The following SEMA5A variants were observed in gnomAD, a reference collection of about 807,000 sequenced individuals.
SEMA5A encodes the protein semaphorin 5A.
SEMA5A carries 55 observed loss-of-function variants against 135.5 expected under a neutral mutation model. That is an observed-to-expected ratio of 0.41 (90% confidence interval 0.33 to 0.51). The LOEUF is 0.51. Ranked by LOEUF, SEMA5A falls within the 20% of genes least tolerant of loss-of-function variation. The probability of loss-of-function intolerance (pLI) is 0.37; values close to 1 mark genes in which losing one functional copy is unlikely to be tolerated. For missense variants in SEMA5A, 1,290 were observed against 1,419.9 expected, an observed-to-expected ratio of 0.91 and a Z score of 1.47; for synonymous variants, 580 against 546.5, an observed-to-expected ratio of 1.06 and a Z score of -0.85.
At chr5:9,141,931 G>T (rs1337939930) in intron 12 of SEMA5A, among the ~76,000 whole-genome samples, 4 of 151,926 alleles carry the variant, frequency 2.6e-5, no homozygotes, top group African/African-American at 7.3e-5. Flanking sequence ...AAGAATTTTT[G>T]CCATTTTGTT....
rs537854928 is a variant in SEMA5A, at chr5:9,457,641, C to A, written c.-174-19789G>T. 3.9e-5 allele frequency among the ~76,000 whole-genome samples: 6 copies of A among 152,248 alleles called. No homozygotes were observed. In the South Asian group the frequency reaches 1.2e-3, roughly 32 times the overall value. ...AAAATAAGGTATGTTAGATTAATTTCTTTAAGGCCCATTTGAGGACTAACA... is the reference window on the plus strand; with the variant it reads ...AAAATAAGGTATGTTAGATTAATTTATTTAAGGCCCATTTGAGGACTAACA... On this transcript the variant is annotated intron_variant, in intron 1 of 22. Transcript: ENST00000382496.
intron 1 of SEMA5A, among the ~76,000 whole-genome samples, chr5:9,527,136 G>A (rs1387349334): frequency 2.0e-5 from 3 of 152,260 alleles, no homozygotes; most frequent in South Asian, 4.1e-4. Context: ...CTTGAATCCT[G>A]ACAGAGTGGG....
intron 3 of SEMA5A, among the ~76,000 whole-genome samples, chr5:9,350,472 CTT>C (rs1754065151): frequency 6.6e-6 from 1 of 152,210 alleles, no homozygotes; most frequent in East Asian, 1.9e-4. Flanking sequence ...GTCTCTCTCT[CTT>C]GACCTGAGAT....
At chr5:9,369,074 G>A (rs567418425) in intron 3 of SEMA5A, among the ~76,000 whole-genome samples, 23 of 152,308 alleles carry the variant, frequency 1.5e-4, no homozygotes, top group Admixed American at 1.1e-3. Flanking sequence ...GGTATTGTCA[G>A]CCTTTCTAAT....
intron 1 of SEMA5A, among the ~76,000 whole-genome samples, chr5:9,495,227 T>C (rs1370004481): frequency 6.6e-6 from 1 of 152,184 alleles, no homozygotes; most frequent in Non-Finnish European, 1.5e-5. Flanking sequence ...ACCCAGGCAG[T>C]GATTAAACCA....
At chr5:9,499,230 G>A (rs985848629) in intron 1 of SEMA5A, among the ~76,000 whole-genome samples, 1 of 152,110 alleles carries the variant, frequency 6.6e-6, no homozygotes, top group African/African-American at 2.4e-5. Context: ...AACCTTTATG[G>A]AGCACTTGAA....
chr5:9,047,620 C>A (rs1561099079), intron 21 of SEMA5A, among the ~76,000 whole-genome samples: 2 of 152,126 alleles, frequency 1.3e-5, no homozygotes, highest in East Asian at 3.8e-4. Context: ...TAATAATTTC[C>A]TGTACAATGA....
At chr5:9,131,968 C>T (rs1741460591) in intron 13 of SEMA5A, among the ~76,000 whole-genome samples, 1 of 152,184 alleles carries the variant, frequency 6.6e-6, no homozygotes, top group Admixed American at 6.5e-5. Context: ...CCTTGTTAAA[C>T]AACATTATGA....
At position 9,447,587 on chromosome 5, in the gene SEMA5A, C is replaced by T. The variant is rs1382262018; in HGVS notation, c.-174-9735G>A. Reference sequence around the variant, plus strand: ...CTCAGGAATGTGAATTCCACCTAAACGTTTGTTTCATGTTTTATAGAGGAC... The same window carrying T: ...CTCAGGAATGTGAATTCCACCTAAATGTTTGTTTCATGTTTTATAGAGGAC... On this transcript the variant is annotated intron_variant, in intron 1 of 22. Coordinates refer to ENST00000382496, the MANE Select transcript of SEMA5A (RefSeq NM_003966.3). 5.3e-5 allele frequency among the ~76,000 whole-genome samples: 8 copies of T among 152,278 alleles called. No homozygotes were observed. The South Asian group carries it at 6.2e-4, about 12-fold the overall frequency.
intron 1 of SEMA5A, among the ~76,000 whole-genome samples, chr5:9,453,702 C>T (rs1233296408): frequency 6.6e-6 from 1 of 152,184 alleles, no homozygotes; most frequent in African/African-American, 2.4e-5. Context: ...GAACCAAACC[C>T]TATATTTCCC....
At chr5:9,500,915 A>T (rs1007302496) in intron 1 of SEMA5A, among the ~76,000 whole-genome samples, 1 of 152,214 alleles carries the variant, frequency 6.6e-6, no homozygotes, top group Non-Finnish European at 1.5e-5. Flanking sequence ...TGACTGTATG[A>T]GAATCTTTCA....
At chr5:9,524,230 T>C (rs1020767813) in intron 1 of SEMA5A, among the ~76,000 whole-genome samples, 1 of 152,164 alleles carries the variant, frequency 6.6e-6, no homozygotes, top group Admixed American at 6.5e-5. Context: ...TCCTGAGGCC[T>C]CCCCAGCCAT....
chr5:9,205,569 T>C (rs1417987857), intron 8 of SEMA5A, among the ~76,000 whole-genome samples: 1 of 152,146 alleles, frequency 6.6e-6, no homozygotes, highest in African/African-American at 2.4e-5. Context: ...GTTTCCTCTT[T>C]CCACAGAGAG....
intron 1 of SEMA5A, among the ~76,000 whole-genome samples, chr5:9,452,383 T>C (rs1164630879): frequency 6.6e-6 from 1 of 152,210 alleles, no homozygotes; most frequent in Non-Finnish European, 1.5e-5. Context: ...GCCCTAGCCC[T>C]GTCAACAGAA....
In SEMA5A at chr5:9,263,785, T is replaced by G. The variant is rs538069669; in HGVS notation, c.271-25895A>C. Among the ~76,000 whole-genome samples the G allele has an allele frequency of 6.6e-5, 10 of 152,342 alleles. No individual in the cohort carries two copies. In the South Asian group the frequency reaches 2.1e-3, roughly 32 times the overall value. Reference sequence around the variant, plus strand: ...CGATCACATTTAGAGTTTAACCACATGAGCTACTCTAAAGAAGATGTTCTC... The same window carrying G: ...CGATCACATTTAGAGTTTAACCACAGGAGCTACTCTAAAGAAGATGTTCTC... On this transcript the variant is annotated intron_variant, in intron 5 of 22. Coordinates refer to ENST00000382496, the MANE Select transcript of SEMA5A (RefSeq NM_003966.3).
chr5:9,343,355 C>G (rs1329990145), intron 3 of SEMA5A, among the ~76,000 whole-genome samples: 1 of 152,084 alleles, frequency 6.6e-6, no homozygotes, highest in Non-Finnish European at 1.5e-5. Flanking sequence ...CAGTCTAAAC[C>G]ACTCAACTCC....
At chr5:9,217,549 TG>T (rs1746698246) in intron 8 of SEMA5A, among the ~76,000 whole-genome samples, 2 of 152,256 alleles carry the variant, frequency 1.3e-5, no homozygotes, top group Non-Finnish European at 2.9e-5. Context: ...CTAGCAAAGT[TG>T]GGGAAGTTTT....
At chr5:9,227,044 A>G (rs1747354643) in intron 6 of SEMA5A, 77 bp from the exon 7 acceptor site, 2 of 693,834 alleles carry the variant, frequency 2.9e-6, no homozygotes, top group Admixed American at 4.3e-5. Context: ...AAGTCTGAGC[A>G]CAAGAAGAAT....
intron 1 of SEMA5A, among the ~76,000 whole-genome samples, chr5:9,543,179 G>A (rs1412936255): frequency 1.3e-5 from 2 of 152,162 alleles, no homozygotes; most frequent in Non-Finnish European, 2.9e-5. Flanking sequence ...AGGCTTGTTG[G>A]TTGTAACATT....
Sources: allele counts gnomAD v4.1 joint callset (sites outside exome capture counted in the v4.1 genomes callset), GRCh38; gene constraint gnomAD v4.1.1; transcripts MANE v1.5; gene names NCBI Gene and HGNC (gene_info 2026-07-23, HGNC 2026-07-21).